Variants in ULK2 observed in about 807,000 individuals in gnomAD.
ULK2 encodes unc-51 like autophagy activating kinase 2, also known as serine/threonine-protein kinase ULK2.
A neutral mutation model predicts 127.5 loss-of-function variants in ULK2; 76 were observed. That is an observed-to-expected ratio of 0.60 (90% CI 0.50 to 0.72). The LOEUF is 0.72. Ranked by LOEUF, ULK2 falls within the 30% of genes least tolerant of loss-of-function variation. ULK2 has a pLI of 0.00. For missense variants in ULK2, 1,144 were observed against 1,295.9 expected (o/e 0.88, Z 1.80); for synonymous variants, 452 against 461.9 (o/e 0.98, Z 0.28).
In ULK2 at chr17:19,772,305, T is replaced by C. The variant is rs1296144118; in HGVS notation, c.*4044A>G. Reference sequence around the variant, plus strand: ...GCAGTGTTTTTCTAGGTGGATTGTTTCTGATGTGGTTTCCTCTGATGCAGG... The same window carrying C: ...GCAGTGTTTTTCTAGGTGGATTGTTCCTGATGTGGTTTCCTCTGATGCAGG... On this transcript the variant is annotated 3_prime_UTR_variant, in exon 27 of 27. Coordinates refer to ENST00000395544, the MANE Select transcript of ULK2 (RefSeq NM_014683.4). The C allele has an allele frequency of 6.6e-6, 1 of 152,284 alleles. No individual in the cohort carries two copies. Among genetic ancestry groups the C allele is most frequent in the South Asian group, 2.1e-4 (1 of 4,834 alleles). The allele number at this position is 152,284 out of a possible 1,614,324, so 9.4% of individuals were successfully genotyped here.
Position 19,788,290 on chromosome 17 carries a change from C to A in ULK2, c.2102-2204G>T, listed in dbSNP as rs953697974. On this transcript the variant is annotated intron_variant, in intron 20 of 26. Transcript: ENST00000395544. ...TCCCAAACCCAGGCAGCGCAGCTCACAGCAACAAAAGTGACTCCTTCCTTC... is the reference window on the plus strand; with the variant it reads ...TCCCAAACCCAGGCAGCGCAGCTCAAAGCAACAAAAGTGACTCCTTCCTTC... 3.3e-5 allele frequency among the ~76,000 whole-genome samples: 5 copies of A among 151,898 alleles called. No individual in the cohort carries two copies. In the South Asian group the frequency reaches 1.0e-3, roughly 32 times the overall value.
intron 13 of ULK2, chr17:19,811,186 C>A (rs1405419002): frequency 2.0e-5 from 3 of 152,022 alleles, no homozygotes; most frequent in African/African-American, 7.2e-5. Flanking sequence ...AGGGGAAGTC[C>A]ATTTTTATTT....
At chr17:19,837,183 C>A (rs2041619862) in intron 10 of ULK2, among the ~76,000 whole-genome samples, 1 of 151,922 alleles carries the variant, frequency 6.6e-6, no homozygotes, top group Non-Finnish European at 1.5e-5. Context: ...TTTGGCAGGC[C>A]AAGGTGGGTA....
At chr17:19,864,157 TG>T (rs1397054240) in intron 3 of ULK2, among the ~76,000 whole-genome samples, 12 of 152,172 alleles carry the variant, frequency 7.9e-5, no homozygotes, top group African/African-American at 2.4e-4. Context: ...ATAAAAAAAA[TG>T]TTTTTTTAAA....
At chr17:19,810,153 C>T (rs1433318881) in intron 14 of ULK2, among the ~76,000 whole-genome samples, 1 of 149,600 alleles carries the variant, frequency 6.7e-6, no homozygotes, top group East Asian at 2.0e-4. Context: ...ATGGCGTGAA[C>T]CCAGAGGCAG....
chr17:19,842,145 GAAATT>G (rs2041773695), intron 8 of ULK2, among the ~76,000 whole-genome samples: 1 of 147,158 alleles, frequency 6.8e-6, no homozygotes, highest in Admixed American at 6.8e-5. Context: ...ACTAGACTAA[GAAATT>G]AAAAGTGTTT....
intron 10 of ULK2, among the ~76,000 whole-genome samples, chr17:19,826,678 G>A (rs565589950): frequency 7.2e-5 from 11 of 152,266 alleles, no homozygotes; most frequent in African/African-American, 1.7e-4. Flanking sequence ...AAAACTGGCC[G>A]GGTGTGGTGG....
At chr17:19,854,962 T>A (rs188206170) in intron 3 of ULK2, among the ~76,000 whole-genome samples, 1 of 151,310 alleles carries the variant, frequency 6.6e-6, no homozygotes, top group East Asian at 1.9e-4. Context: ...TAGCTGGGCT[T>A]GGTGGCAGGT....
At chr17:19,801,294 C>T (rs2087391475) in intron 16 of ULK2, among the ~76,000 whole-genome samples, 1 of 152,144 alleles carries the variant, frequency 6.6e-6, no homozygotes, top group African/African-American at 2.4e-5. Context: ...GAAGTTGGGG[C>T]CGGGCGCGGT....
In ULK2 at chr17:19,826,175, T is replaced by TA; in HGVS notation, c.798dup (p.Ser267Ter). On this transcript the variant is annotated frameshift_variant, in exon 11 of 27. Transcript: ENST00000395544. LOFTEE classifies it high-confidence loss of function. ...GGACCTTGCTCAAGAAAAGGATGGCTAAAAAATGCTTCTGTAACAAGAAAT... is the reference window on the plus strand; with the variant it reads ...GGACCTTGCTCAAGAAAAGGATGGCTAAAAAAATGCTTCTGTAACAAGAAAT... 3.4e-6 allele frequency: 5 copies of TA among 1,474,424 alleles called. No homozygotes were observed. The highest frequency in any genetic ancestry group is 3.6e-6 in the Non-Finnish European group (4 of 1,102,448). 91.3% of individuals were successfully genotyped at this position (1,474,424 alleles called of 1,614,324 possible). A position where few individuals can be genotyped will look rare whatever the true frequency, so the allele number is the denominator to read the frequency against.
chr17:19,805,171 G>A (rs2087489099), intron 14 of ULK2, among the ~76,000 whole-genome samples: 1 of 152,124 alleles, frequency 6.6e-6, no homozygotes, highest in South Asian at 2.1e-4. Flanking sequence ...AAATATCCAG[G>A]AAAATATGCT....
chr17:19,810,823 T>C (rs537212795), intron 13 of ULK2: 5 of 160,382 alleles, frequency 3.1e-5, no homozygotes, highest in South Asian at 1.9e-4. Flanking sequence ...CATAACTTTA[T>C]TGCAAAATTT....
chr17:19,845,434 T>C, intron 6 of ULK2, 57 bp from the exon 7 acceptor site: 3 of 1,282,304 alleles, frequency 2.3e-6, no homozygotes, highest in South Asian at 1.2e-5. Flanking sequence ...ATACCTAACA[T>C]ATATCATATG....
chr17:19,781,848 A>G (rs762886800), intron 23 of ULK2, 41 bp downstream of exon 23: 7 of 1,594,830 alleles, frequency 4.4e-6, no homozygotes, highest in Non-Finnish European at 6.0e-6. Context: ...GTTTAGACAA[A>G]GCATGAAAAG....
intron 10 of ULK2, among the ~76,000 whole-genome samples, chr17:19,829,523 T>G (rs2041378315): frequency 1.0e-5 from 1 of 98,208 alleles, no homozygotes; most frequent in East Asian, 3.7e-4. Flanking sequence ...GGTGACAGGA[T>G]GAGACCCTGT....
At chr17:19,840,166 T>A (rs2041706937) in intron 9 of ULK2, 5 of 468,878 alleles carry the variant, frequency 1.1e-5, no homozygotes, top group Non-Finnish European at 2.2e-5. Flanking sequence ...CTGGCCACTG[T>A]GCCCCCGACC....
chr17:19,799,611 AG>A, intron 16 of ULK2, 36 bp from the exon 17 acceptor site: 1 of 1,497,044 alleles, frequency 6.7e-7, no homozygotes, highest in Non-Finnish European at 8.9e-7. Flanking sequence ...GGGGAAAGGA[AG>A]AAAAATGATC....
In ULK2 at chr17:19,773,731, G is replaced by C. The variant is rs1019032586; in HGVS notation, c.*2618C>G. ...CTGCACAGAGTACTCCTGGCAGGCA[G>C]AAGGGGGCGTGGGGACCCAGACACT... On this transcript the variant is annotated 3_prime_UTR_variant, in exon 27 of 27. Coordinates refer to ENST00000395544, the MANE Select transcript of ULK2 (RefSeq NM_014683.4). The C allele has an allele frequency of 3.3e-5, 5 of 152,240 alleles. No individual in the cohort carries two copies. The highest frequency in any genetic ancestry group is 1.2e-4 in the African/African-American group (5 of 41,428). 9.4% of individuals were successfully genotyped at this position (152,240 alleles called of 1,614,324 possible). A position where few individuals can be genotyped will look rare whatever the true frequency, so the allele number is the denominator to read the frequency against.
rs1421136119 is a variant in ULK2 at position 19,786,296 on chromosome 17, T to C, written c.2102-210A>G. On this transcript the variant is annotated intron_variant, in intron 20 of 26. Transcript: ENST00000395544. ...AACTTATAGTAATCTCAAGTGTGAA[T>C]CTTCTTCACACCAAAATTTAGCATT... Among the ~76,000 whole-genome samples the C allele has an allele frequency of 2.0e-5, 3 of 152,028 alleles. No individual in the cohort carries two copies. In the South Asian group the frequency reaches 6.2e-4, roughly 32 times the overall value.
Sources: gnomAD v4.1 joint callset for allele counts (sites outside exome capture counted in the v4.1 genomes callset) on GRCh38, gnomAD v4.1.1 for gene constraint, MANE v1.5 for transcripts, NCBI Gene and HGNC (gene_info 2026-07-23, HGNC 2026-07-21) for gene names.